The following POC1B variants were observed in gnomAD, a reference collection of about 807,000 sequenced individuals.
POC1B encodes the protein POC1 centriolar protein homolog B.
POC1B carries 44 observed loss-of-function variants against 60.6 expected under a neutral mutation model. That is an observed-to-expected ratio of 0.73 (90% CI 0.57 to 0.93). The LOEUF (loss-of-function observed/expected upper bound fraction) is 0.93, where lower values mean the gene tolerates loss of function less well. POC1B is among the 40% of genes least tolerant of loss of function. POC1B has a pLI of 0.00. For synonymous variants in POC1B, 180 were observed against 198.9 expected, an observed-to-expected ratio of 0.90 and a Z score of 0.80; for missense variants, 555 against 572.3, an observed-to-expected ratio of 0.97 and a Z score of 0.31.
At chr12:89,497,630 A>G (rs563000934) in intron 2 of POC1B, among the ~76,000 whole-genome samples, 6 of 152,330 alleles carry the variant, frequency 3.9e-5, no homozygotes, top group African/African-American at 1.4e-4. Context: ...GCACAGTGTA[A>G]CAGAGGGTAC....
chr12:89,524,053 A>G (rs1487534077), intron 2 of POC1B: 1 of 1,613,538 alleles, frequency 6.2e-7, no homozygotes, highest in Non-Finnish European at 8.5e-7. Flanking sequence ...CTCTTTCAAA[A>G]GAACTGCAGG....
intron 10 of POC1B, among the ~76,000 whole-genome samples, chr12:89,431,557 T>A (rs1410018071): frequency 2.0e-5 from 3 of 152,160 alleles, no homozygotes; most frequent in Non-Finnish European, 4.4e-5. Context: ...AAAGCAAATA[T>A]TTTTCAAAGA....
intron 2 of POC1B, among the ~76,000 whole-genome samples, chr12:89,507,286 A>AC (rs1393473862): frequency 1.3e-5 from 2 of 150,802 alleles, no homozygotes; most frequent in African/African-American, 4.9e-5. Flanking sequence ...AAAAAAAAAA[A>AC]AAAAAACTAT....
At position 89,522,126 on chromosome 12, in the gene POC1B, A is replaced by G. The variant is rs577993530; in HGVS notation, c.100+2994T>C. The stretch of plus-strand genomic sequence containing the variant: ...AATCTGAGGTATTAATATATACATC[A>G]GTGAAGTCCAATAGCTCAAGTTTAC... On this transcript the variant is annotated intron_variant, in intron 2 of 11. Coordinates refer to ENST00000313546, the MANE Select transcript of POC1B (RefSeq NM_172240.3). 7.6e-4 allele frequency: 304 copies of G among 399,038 alleles called. 1 individual carries two copies. The highest frequency in any genetic ancestry group is 6.3e-3 in the Middle Eastern group (10 of 1,588). The allele number at this position is 399,038 out of a possible 1,614,324, so 24.7% of individuals were successfully genotyped here.
chr12:89,467,590 C>A (rs756863908), intron 8 of POC1B, 27 bp downstream of exon 8: 2 of 1,580,986 alleles, frequency 1.3e-6, no homozygotes, highest in South Asian at 1.1e-5. Flanking sequence ...TTAACCAAAT[C>A]AAAGAGGAGC....
chr12:89,447,378 C>A (rs1246407681), intron 10 of POC1B, among the ~76,000 whole-genome samples: 3 of 151,932 alleles, frequency 2.0e-5, no homozygotes, highest in East Asian at 3.9e-4. Context: ...AAGGAAAGAA[C>A]AAAGTAATTT....
At chr12:89,500,623 T>C in intron 2 of POC1B, 2 of 1,591,192 alleles carry the variant, frequency 1.3e-6, no homozygotes, top group African/African-American at 2.7e-5. Flanking sequence ...TTCCATCTAG[T>C]GCCCAAAAGA....
intron 2 of POC1B, among the ~76,000 whole-genome samples, chr12:89,517,652 G>A (rs1197454974): frequency 1.3e-5 from 2 of 151,618 alleles, no homozygotes; most frequent in African/African-American, 4.8e-5. Context: ...AAAGAAAAAA[G>A]CATTCTATTC....
intron 2 of POC1B, among the ~76,000 whole-genome samples, chr12:89,498,902 C>G (rs934112698): frequency 6.6e-5 from 10 of 152,022 alleles, no homozygotes; most frequent in African/African-American, 2.2e-4. Flanking sequence ...TAATAATAAA[C>G]AGATACAGAA....
rs960003324 is a variant in POC1B, at chr12:89,439,911, A to G, written c.1114-14532T>C. On this transcript the variant is annotated intron_variant, in intron 10 of 11. Transcript: ENST00000313546. Reference sequence around the variant, plus strand: ...TGAGCCACTGTGCCCGGCCTTGAGTAGCAAGGTTTTAGATCTCAGCTCAAA... The same window carrying G: ...TGAGCCACTGTGCCCGGCCTTGAGTGGCAAGGTTTTAGATCTCAGCTCAAA... Among the ~76,000 whole-genome samples the G allele has an allele frequency of 6.6e-5, 10 of 152,068 alleles. No homozygotes were observed. The East Asian group carries it at 9.6e-4, about 15-fold the overall frequency.
chr12:89,456,010 TTGTTGTTGTTG>T (rs1565732858), intron 10 of POC1B, among the ~76,000 whole-genome samples: 6 of 144,838 alleles, frequency 4.1e-5, no homozygotes, highest in African/African-American at 1.6e-4. Flanking sequence ...CTCTTTTTTG[TTGTTGTTGTTG>T]TTGTTGTTGT....
intron 2 of POC1B, among the ~76,000 whole-genome samples, chr12:89,516,738 C>T (rs775207019): frequency 5.9e-5 from 9 of 152,088 alleles, no homozygotes; most frequent in South Asian, 2.1e-4. Context: ...TGGTGTTGGC[C>T]GGGCCACACT....
chr12:89,525,601 G>A (rs944115520), intron 1 of POC1B: 2 of 1,282,916 alleles, frequency 1.6e-6, no homozygotes, highest in Non-Finnish European at 2.0e-6. Flanking sequence ...GGCGCTCCAC[G>A]GAAACCCTCC....
intron 2 of POC1B, chr12:89,520,775 T>C (rs544216244): frequency 1.3e-5 from 2 of 152,330 alleles, no homozygotes; most frequent in African/African-American, 2.4e-5. Context: ...TACTCGTGAA[T>C]ACAGTGGACT....
Position 89,430,404 on chromosome 12 carries a change from C to T in POC1B, c.1114-5025G>A, listed in dbSNP as rs142492539. On this transcript the variant is annotated intron_variant, in intron 10 of 11. Transcript: ENST00000313546. ...TGCATCAATGAAAACTGAAAATTTTCGCATTGCCAAACACATTTTTATTAG... is the reference window on the plus strand; with the variant it reads ...TGCATCAATGAAAACTGAAAATTTTTGCATTGCCAAACACATTTTTATTAG... Among the ~76,000 whole-genome samples, 391 of 152,244 alleles carry T rather than the reference C, an allele frequency of 2.6e-3. 1 individual carries two copies. Among genetic ancestry groups the T allele is most frequent in the Non-Finnish European group, 4.5e-3 (307 of 68,006 alleles).
chr12:89,460,416 A>G (rs957189478), intron 9 of POC1B, among the ~76,000 whole-genome samples: 11 of 152,228 alleles, frequency 7.2e-5, no homozygotes, highest in African/African-American at 2.7e-4. Flanking sequence ...TGGAAAATAA[A>G]TATATTCAGA....
At chr12:89,490,267 C>CA (rs1868885238) in intron 4 of POC1B, among the ~76,000 whole-genome samples, 1 of 152,204 alleles carries the variant, frequency 6.6e-6, no homozygotes, top group African/African-American at 2.4e-5. Context: ...CTCTGAAACT[C>CA]ACTTTCCTTA....
At chr12:89,462,609 C>T (rs561954673) in intron 9 of POC1B, among the ~76,000 whole-genome samples, 2 of 152,234 alleles carry the variant, frequency 1.3e-5, no homozygotes, top group African/African-American at 2.4e-5. Flanking sequence ...GCTAGTACAA[C>T]GTCCAGCACA....
chr12:89,476,895 T>G (rs1883144957), intron 4 of POC1B, among the ~76,000 whole-genome samples: 1 of 152,204 alleles, frequency 6.6e-6, no homozygotes, highest in South Asian at 2.1e-4. Flanking sequence ...CAGGCACTAT[T>G]TCATGTCCCG....
Sources: allele counts gnomAD v4.1 joint callset (sites outside exome capture counted in the v4.1 genomes callset), GRCh38; gene constraint gnomAD v4.1.1; transcripts MANE v1.5; gene names NCBI Gene and HGNC (gene_info 2026-07-23, HGNC 2026-07-21).